PLXNA4: variants seen among roughly 807,000 people sequenced by gnomAD.
PLXNA4 encodes the protein plexin A4.
A neutral mutation model predicts 191.8 loss-of-function variants in PLXNA4; 44 were observed. The observed-to-expected ratio is 0.23, with a 90% confidence interval of 0.18 to 0.29. PLXNA4 has a LOEUF of 0.29. Ranked by LOEUF, PLXNA4 falls within the 10% of genes least tolerant of loss-of-function variation. The pLI is 1.00. For synonymous variants in PLXNA4, 1,082 were observed against 1,009.5 expected (o/e 1.07, Z -1.36); for missense variants, 1,800 against 2,488.8 (o/e 0.72, Z 5.89).
intron 3 of PLXNA4, among the ~76,000 whole-genome samples, chr7:132,326,598 G>C (rs972994823): frequency 6.6e-6 from 1 of 152,184 alleles, no homozygotes; most frequent in South Asian, 2.1e-4. Flanking sequence ...ATGCTCTCTC[G>C]GAGAACCTCA....
At chr7:132,606,952 C>A (rs993116323) in intron 2 of PLXNA4, among the ~76,000 whole-genome samples, 3 of 152,176 alleles carry the variant, frequency 2.0e-5, no homozygotes, top group East Asian at 3.9e-4. Flanking sequence ...TTCACACAGT[C>A]CCCTGAGCCT....
intron 2 of PLXNA4, among the ~76,000 whole-genome samples, chr7:132,604,095 G>T (rs1283755121): frequency 6.6e-6 from 1 of 151,520 alleles, no homozygotes; most frequent in Non-Finnish European, 1.5e-5. Context: ...AGTTCCTTGT[G>T]TTGCAAGGGT....
intron 4 of PLXNA4, among the ~76,000 whole-genome samples, chr7:132,275,400 A>G (rs1800237779): frequency 6.6e-6 from 1 of 152,140 alleles, no homozygotes; most frequent in Non-Finnish European, 1.5e-5. Flanking sequence ...TCATTTTATT[A>G]CATGTCTAGT....
Position 132,638,743 on chromosome 7 carries a change from T to C in PLXNA4, c.-87+7185A>G, listed in dbSNP as rs537490683. Among the ~76,000 whole-genome samples the C allele has an allele frequency of 1.4e-3, 213 of 152,248 alleles. 2 individuals are homozygous for C. Among genetic ancestry groups the C allele is most frequent in the African/African-American group, 5.0e-3 (207 of 41,558 alleles). The stretch of plus-strand genomic sequence containing the variant: ...TCACTCTCTTTTACCCTTTTTACCC[T>C]GATCACATGAAATAAAAATATATAT... On this transcript the variant is annotated intron_variant, in intron 2 of 4. Coordinates refer to the PLXNA4 transcript ENST00000378539.
At chr7:132,427,010 C>A (rs1428129660) in intron 3 of PLXNA4, among the ~76,000 whole-genome samples, 1 of 152,270 alleles carries the variant, frequency 6.6e-6, no homozygotes, top group Non-Finnish European at 1.5e-5. Flanking sequence ...GCATATGAAA[C>A]AAGAAATGGG....
intron 3 of PLXNA4, among the ~76,000 whole-genome samples, chr7:132,310,854 G>A (rs12707033): frequency 0.28 from 42,126 of 152,086 alleles, 6,012 homozygotes; most frequent in Admixed American, 0.35. Flanking sequence ...CTGTGTGTGT[G>A]TGAGAGAGGC....
intron 3 of PLXNA4, among the ~76,000 whole-genome samples, chr7:132,312,037 C>T (rs894102043): frequency 1.3e-5 from 2 of 152,046 alleles, no homozygotes; most frequent in Non-Finnish European, 2.9e-5. Context: ...AGAGACCCAG[C>T]TTTAAGCCAC....
intron 3 of PLXNA4, among the ~76,000 whole-genome samples, chr7:132,341,932 C>T (rs183166147): frequency 7.2e-5 from 11 of 152,140 alleles, no homozygotes; most frequent in African/African-American, 2.2e-4. Context: ...CAAATTCATA[C>T]AGGCTAGTGA....
intron 2 of PLXNA4, among the ~76,000 whole-genome samples, chr7:132,611,585 A>G (rs888671298): frequency 2.0e-5 from 3 of 152,172 alleles, no homozygotes; most frequent in Non-Finnish European, 4.4e-5. Flanking sequence ...AAGGTGGGGG[A>G]ATTTATTAAA....
At chr7:132,605,652 GCACAAA>G in intron 2 of PLXNA4, among the ~76,000 whole-genome samples, 1 of 136,324 alleles carries the variant, frequency 7.3e-6, no homozygotes, top group Non-Finnish European at 1.5e-5. Context: ...CCCCTCACAT[GCACAAA>G]AAAATGTTAA....
At chr7:132,354,730 A>C (rs541300348) in intron 3 of PLXNA4, among the ~76,000 whole-genome samples, 1 of 152,188 alleles carries the variant, frequency 6.6e-6, no homozygotes, top group African/African-American at 2.4e-5. Context: ...TCCTCCCTCC[A>C]CTTAGCAACC....
At chr7:132,214,982 T>C (rs1450772271) in intron 9 of PLXNA4, among the ~76,000 whole-genome samples, 1 of 152,152 alleles carries the variant, frequency 6.6e-6, no homozygotes, top group Non-Finnish European at 1.5e-5. Context: ...TCTTTCCTCC[T>C]CTTTCCTCCC....
At chr7:132,533,113 T>C (rs1799690853) in intron 1 of PLXNA4, among the ~76,000 whole-genome samples, 1 of 152,236 alleles carries the variant, frequency 6.6e-6, no homozygotes, top group African/African-American at 2.4e-5. Context: ...CATTATCATG[T>C]TCTACTTTGC....
intron 1 of PLXNA4, among the ~76,000 whole-genome samples, chr7:132,564,356 TTTCTCCTCCTCCTCC>T (rs1801612639): frequency 1.2e-5 from 1 of 85,530 alleles, no homozygotes; most frequent in Non-Finnish European, 2.5e-5. Context: ...CCTTCTCCTC[TTTCTCCTCCTCCTCC>T]TTCTCCTCCT....
intron 3 of PLXNA4, among the ~76,000 whole-genome samples, chr7:132,306,667 T>G (rs1163098326): frequency 6.6e-6 from 1 of 152,130 alleles, no homozygotes; most frequent in Non-Finnish European, 1.5e-5. Context: ...GTTGAATGAA[T>G]GAATGAATGG....
chr7:132,502,377 C>T (rs1798292518), intron 2 of PLXNA4, among the ~76,000 whole-genome samples: 1 of 152,200 alleles, frequency 6.6e-6, no homozygotes, highest in Non-Finnish European at 1.5e-5. Flanking sequence ...GAAACAGCTC[C>T]ATCTCCTGTG....
chr7:132,556,490 C>T (rs1019177332), intron 1 of PLXNA4, among the ~76,000 whole-genome samples: 1 of 152,192 alleles, frequency 6.6e-6, no homozygotes, highest in Non-Finnish European at 1.5e-5. Flanking sequence ...GAGGAGAAGG[C>T]CCATAGCTCT....
intron 3 of PLXNA4, among the ~76,000 whole-genome samples, chr7:132,322,970 A>G (rs1203933991): frequency 6.6e-6 from 1 of 152,202 alleles, no homozygotes; most frequent in East Asian, 1.9e-4. Context: ...AGAGGCCTTA[A>G]CATCAGAAAT....
Position 132,373,749 on chromosome 7 carries a change from G to T in PLXNA4, c.1372-75527C>A, listed in dbSNP as rs920587510. 2.6e-5 allele frequency among the ~76,000 whole-genome samples: 4 copies of T among 152,322 alleles called. No individual in the cohort carries two copies. In the Middle Eastern group the frequency reaches 0.01, roughly 389 times the overall value. Reference sequence around the variant, plus strand: ...GAGGTGCCCATGGAAATGCAGGGGTGGAGGAGGAGCAATACAGTGACAACA... The same window carrying T: ...GAGGTGCCCATGGAAATGCAGGGGTTGAGGAGGAGCAATACAGTGACAACA... On this transcript the variant is annotated intron_variant, in intron 3 of 31. Transcript: ENST00000321063.
Sources: allele counts gnomAD v4.1 joint callset (sites outside exome capture counted in the v4.1 genomes callset), GRCh38; gene constraint gnomAD v4.1.1; transcripts MANE v1.5; gene names NCBI Gene and HGNC (gene_info 2026-07-23, HGNC 2026-07-21).